BCL11A: variants seen among roughly 807,000 people sequenced by gnomAD.
BCL11A encodes the protein B cell CLL/lymphoma 11A.
A neutral mutation model predicts 55.9 loss-of-function variants in BCL11A; 2 were observed. The observed-to-expected ratio is 0.04, with a 90% CI of 0.01 to 0.11. BCL11A has a LOEUF of 0.11. BCL11A is among the 10% of genes least tolerant of loss of function. The pLI, the probability that BCL11A is intolerant of heterozygous loss-of-function variation, is 1.00. For missense variants in BCL11A, 817 were observed against 1,137.1 expected (o/e 0.72, Z 4.05); for synonymous variants, 465 against 473.4 (o/e 0.98, Z 0.23).
chr2:60,522,177 A>G (rs1004094341), intron 2 of BCL11A: 1 of 152,394 alleles, frequency 6.6e-6, no homozygotes, highest in African/African-American at 2.4e-5. Context: ...CCCCAAGTCC[A>G]CATCTTCCAG....
intron 2 of BCL11A, among the ~76,000 whole-genome samples, chr2:60,479,306 G>A (rs751210357): frequency 1.4e-4 from 22 of 152,182 alleles, no homozygotes; most frequent in Non-Finnish European, 2.4e-4. Flanking sequence ...CGGGCACAGC[G>A]GCCACACACC....
At chr2:60,519,846 G>C (rs1009884612) in intron 2 of BCL11A, among the ~76,000 whole-genome samples, 4 of 152,202 alleles carry the variant, frequency 2.6e-5, no homozygotes, top group Non-Finnish European at 5.9e-5. Context: ...TGAAGACAAA[G>C]AGATCGTTTT....
At chr2:60,533,743 G>T (rs1475167099) in intron 2 of BCL11A, 1 of 152,132 alleles carries the variant, frequency 6.6e-6, no homozygotes, top group Admixed American at 6.5e-5. Flanking sequence ...AAAGCCCCTG[G>T]ATCTCACAGA....
intron 1 of BCL11A, 103 bp downstream of exon 1, chr2:60,553,113 A>G: frequency 1.6e-6 from 2 of 1,249,772 alleles, no homozygotes; most frequent in Non-Finnish European, 1.1e-6. Context: ...TGAAAAATTT[A>G]AAAATGCATG....
At chr2:60,512,727 C>T (rs1201876749) in intron 2 of BCL11A, among the ~76,000 whole-genome samples, 1 of 152,196 alleles carries the variant, frequency 6.6e-6, no homozygotes, top group Non-Finnish European at 1.5e-5. Flanking sequence ...CCCTACGTTA[C>T]TTGAAGTTGG....
exon 5 of BCL11A, chr2:60,451,688 A>G (rs1675728033): frequency 4.3e-6 from 1 of 230,502 alleles, no homozygotes; most frequent in South Asian, 1.8e-4. Flanking sequence ...TTAATAAGAA[A>G]CTACTGACAT....
At chr2:60,541,444 C>T (rs1396487054) in intron 2 of BCL11A, among the ~76,000 whole-genome samples, 1 of 152,180 alleles carries the variant, frequency 6.6e-6, no homozygotes, top group Non-Finnish European at 1.5e-5. Flanking sequence ...GACACTTCTG[C>T]GGCTCAATCA....
exon 5 of BCL11A, chr2:60,451,754 A>G (rs916309265): frequency 4.3e-6 from 1 of 230,390 alleles, no homozygotes; most frequent in African/African-American, 2.2e-5. Context: ...CCTAAGCTAA[A>G]TTAAAAGACA....
intron 1 of BCL11A, among the ~76,000 whole-genome samples, chr2:60,552,534 T>A (rs1670458107): frequency 6.6e-6 from 1 of 152,118 alleles, no homozygotes; most frequent in Non-Finnish European, 1.5e-5. Flanking sequence ...GCCGGCCGCG[T>A]CTCCCGTCCT....
At chr2:60,547,327 C>T (rs1573098534) in intron 1 of BCL11A, among the ~76,000 whole-genome samples, 2 of 152,198 alleles carry the variant, frequency 1.3e-5, no homozygotes, top group East Asian at 3.9e-4. Context: ...TATTTCTGCA[C>T]ACATAATCAC....
At chr2:60,502,099 C>T (rs1311697159) in intron 2 of BCL11A, among the ~76,000 whole-genome samples, 1 of 152,090 alleles carries the variant, frequency 6.6e-6, no homozygotes, top group Non-Finnish European at 1.5e-5. Flanking sequence ...ACCAGAAGTC[C>T]TGGAAAACTG....
At chr2:60,549,117 G>A (rs1028485802) in intron 1 of BCL11A, among the ~76,000 whole-genome samples, 4 of 152,086 alleles carry the variant, frequency 2.6e-5, no homozygotes, top group Admixed American at 1.3e-4. Flanking sequence ...ATAATTAGCC[G>A]CGAATTCTCT....
At chr2:60,486,365 A>C (rs1254448726) in intron 2 of BCL11A, among the ~76,000 whole-genome samples, 1 of 152,206 alleles carries the variant, frequency 6.6e-6, no homozygotes, top group Non-Finnish European at 1.5e-5. Flanking sequence ...ATGAGAAAGA[A>C]CGGATAGCCA....
At chr2:60,471,026 G>A (rs538524784) in intron 2 of BCL11A, among the ~76,000 whole-genome samples, 24 of 152,110 alleles carry the variant, frequency 1.6e-4, no homozygotes, top group Non-Finnish European at 2.4e-4. Flanking sequence ...TGCTCCTGCC[G>A]TGGTCTTCAC....
At chr2:60,538,233 A>G (rs1030703844) in intron 2 of BCL11A, 2 of 152,260 alleles carry the variant, frequency 1.3e-5, no homozygotes, top group African/African-American at 2.4e-5. Flanking sequence ...TATTTTATCT[A>G]TCTAAAGAGA....
intron 2 of BCL11A, among the ~76,000 whole-genome samples, chr2:60,503,192 G>A (rs1573019046): frequency 1.3e-5 from 2 of 152,220 alleles, no homozygotes; most frequent in African/African-American, 4.8e-5. Flanking sequence ...CCAAGATGGA[G>A]AAGCCACATC....
At chr2:60,468,660 G>C (rs1677026144) in intron 3 of BCL11A, 72 bp downstream of exon 3, 1 of 1,164,698 alleles carries the variant, frequency 8.6e-7, no homozygotes, top group Non-Finnish European at 1.3e-6. Flanking sequence ...TACTTAAAAA[G>C]TAAGGGCAAT....
downstream of BCL11A, among the ~76,000 whole-genome samples, chr2:60,456,694 C>T (rs1047150953): frequency 6.6e-6 from 1 of 151,996 alleles, no homozygotes; most frequent in African/African-American, 2.4e-5. Context: ...TTTTAGATTT[C>T]AAAAGTGGGG....
chr2:60,480,265 T>C (rs1235046310), intron 2 of BCL11A, among the ~76,000 whole-genome samples: 1 of 152,240 alleles, frequency 6.6e-6, no homozygotes, highest in African/African-American at 2.4e-5. Flanking sequence ...CCATTTCTCC[T>C]GGATCCAAGT....
Sources: allele counts gnomAD v4.1 joint callset (sites outside exome capture counted in the v4.1 genomes callset), GRCh38; gene constraint gnomAD v4.1.1; transcripts MANE v1.5; gene names NCBI Gene and HGNC (gene_info 2026-07-23, HGNC 2026-07-21).